ULK4: variants seen among roughly 807,000 people sequenced by gnomAD.
ULK4 encodes inactive serine/threonine-protein kinase ULK4.
ULK4 carries 133 observed loss-of-function variants against 160.6 expected under a neutral mutation model. That is an observed-to-expected ratio of 0.83 (90% confidence interval 0.72 to 0.96). ULK4 has a LOEUF of 0.96. ULK4 is among the 40% of genes least tolerant of loss of function. ULK4 has a pLI of 0.00. For missense variants in ULK4, 1,580 were observed against 1,499.5 expected (o/e 1.05, Z -0.89); for synonymous variants, 534 against 539.8 (o/e 0.99, Z 0.15).
chr3:41,478,193 T>C lies in ULK4; in HGVS notation c.3227-14940A>G, dbSNP rs1240252658. Among the ~76,000 whole-genome samples, 5 of 152,170 alleles carry C rather than the reference T, an allele frequency of 3.3e-5. No individual in the cohort carries two copies. The East Asian group carries it at 9.6e-4, about 29-fold the overall frequency. ...AGTCAGGGGAAGGACATCAAACACA[T>C]TTAGCTCAATGAGTATGATGAGCTA... On this transcript the variant is annotated intron_variant, in intron 32 of 36. Transcript: ENST00000301831.
At chr3:41,715,370 G>A in intron 24 of ULK4, 77 bp from the exon 25 acceptor site, 1 of 1,610,252 alleles carries the variant, frequency 6.2e-7, no homozygotes, top group African/African-American at 1.3e-5. Context: ...AAAATGTTTT[G>A]AGTTGAGGAT....
chr3:41,367,066 A>G (rs2081267674), intron 35 of ULK4, among the ~76,000 whole-genome samples: 1 of 152,176 alleles, frequency 6.6e-6, no homozygotes, highest in African/African-American at 2.4e-5. Flanking sequence ...TACTAATTAG[A>G]TATTTTTAAA....
intron 32 of ULK4, among the ~76,000 whole-genome samples, chr3:41,542,455 G>A (rs142413443): frequency 5.3e-5 from 8 of 152,146 alleles, no homozygotes; most frequent in Non-Finnish European, 7.4e-5. Context: ...TTTTTGCATC[G>A]ATGTTCATCT....
intron 21 of ULK4, among the ~76,000 whole-genome samples, chr3:41,758,443 A>G (rs1169907917): frequency 2.6e-5 from 4 of 152,202 alleles, no homozygotes; most frequent in Non-Finnish European, 5.9e-5. Context: ...TATACAAGAC[A>G]AGGAGGTATA....
intron 30 of ULK4, among the ~76,000 whole-genome samples, chr3:41,657,035 T>C (rs953891508): frequency 6.6e-6 from 1 of 151,920 alleles, no homozygotes; most frequent in African/African-American, 2.4e-5. Context: ...CTCAGGGGAG[T>C]TAACACTTCC....
chr3:41,721,512 C>T (rs1575606891), intron 22 of ULK4, among the ~76,000 whole-genome samples: 1 of 150,474 alleles, frequency 6.6e-6, no homozygotes, highest in South Asian at 2.1e-4. Flanking sequence ...AGATTACAGG[C>T]ACCTGCCACC....
At chr3:41,441,480 T>C (rs1200943942) in intron 34 of ULK4, among the ~76,000 whole-genome samples, 2 of 152,106 alleles carry the variant, frequency 1.3e-5, no homozygotes, top group African/African-American at 2.4e-5. Flanking sequence ...AATTCCATTA[T>C]GGTGAGTTCT....
intron 32 of ULK4, among the ~76,000 whole-genome samples, chr3:41,535,361 C>T (rs1000000307): frequency 2.6e-5 from 4 of 152,216 alleles, no homozygotes; most frequent in African/African-American, 9.6e-5. Flanking sequence ...CTACCACTAA[C>T]TCTTGGTGTG....
intron 32 of ULK4, among the ~76,000 whole-genome samples, chr3:41,490,039 A>G (rs972331924): frequency 1.3e-5 from 2 of 151,982 alleles, no homozygotes; most frequent in African/African-American, 4.8e-5. Flanking sequence ...ATCTTCACCC[A>G]CTCAACCCAC....
chr3:41,817,984 C>T (rs569521794), intron 19 of ULK4, among the ~76,000 whole-genome samples: 2 of 151,886 alleles, frequency 1.3e-5, no homozygotes, highest in African/African-American at 4.8e-5. Context: ...CATCTCACCC[C>T]AATTAAAATG....
chr3:41,441,666 C>T (rs892771314), intron 34 of ULK4, among the ~76,000 whole-genome samples: 4 of 151,922 alleles, frequency 2.6e-5, no homozygotes, highest in African/African-American at 9.7e-5. Flanking sequence ...TAATGTATTT[C>T]CTTCTTTTGC....
chr3:41,381,528 CAG>C (rs1487474736), intron 35 of ULK4, among the ~76,000 whole-genome samples: 3 of 152,180 alleles, frequency 2.0e-5, no homozygotes, highest in African/African-American at 7.2e-5. Context: ...TTAGCCATCT[CAG>C]TGTTGTCTTA....
chr3:41,433,954 C>A (rs987800469), intron 34 of ULK4, among the ~76,000 whole-genome samples: 1 of 152,122 alleles, frequency 6.6e-6, no homozygotes, highest in African/African-American at 2.4e-5. Context: ...AATCTCCTGA[C>A]CTCGTGATCC....
At chr3:41,378,064 G>A (rs1172538253) in intron 35 of ULK4, among the ~76,000 whole-genome samples, 1 of 151,750 alleles carries the variant, frequency 6.6e-6, no homozygotes, top group Non-Finnish European at 1.5e-5. Flanking sequence ...ATGAGTTCAT[G>A]TCCTTTGTAG....
chr3:41,707,728 C>G (rs542047233), intron 25 of ULK4, among the ~76,000 whole-genome samples: 28 of 151,944 alleles, frequency 1.8e-4, no homozygotes, highest in African/African-American at 6.3e-4. Flanking sequence ...TACTCAGAGG[C>G]TGAGGTGGAG....
chr3:41,418,370 A>G (rs2082581811), intron 34 of ULK4, among the ~76,000 whole-genome samples: 1 of 149,808 alleles, frequency 6.7e-6, no homozygotes. Context: ...TCTAAGCTAC[A>G]CAGTTTGTCT....
chr3:41,839,614 C>CT (rs1245922067), intron 17 of ULK4, among the ~76,000 whole-genome samples: 1 of 151,194 alleles, frequency 6.6e-6, no homozygotes, highest in Non-Finnish European at 1.5e-5. Context: ...TCAAAAAAAA[C>CT]TAACTATCAC....
intron 2 of ULK4, among the ~76,000 whole-genome samples, chr3:41,947,486 C>T (rs564178631): frequency 6.6e-6 from 1 of 152,226 alleles, no homozygotes; most frequent in East Asian, 1.9e-4. Flanking sequence ...ATTATTTTCT[C>T]GGCTTACCCT....
chr3:41,872,062 C>G (rs1438109497), intron 17 of ULK4, among the ~76,000 whole-genome samples: 1 of 152,118 alleles, frequency 6.6e-6, no homozygotes, highest in East Asian at 1.9e-4. Flanking sequence ...CTTCTTTTTG[C>G]TTTTGTTAGT....
Sources: gnomAD v4.1 joint callset for allele counts (sites outside exome capture counted in the v4.1 genomes callset) on GRCh38, gnomAD v4.1.1 for gene constraint, MANE v1.5 for transcripts, NCBI Gene and HGNC (gene_info 2026-07-23, HGNC 2026-07-21) for gene names.